The following DNAH3 variants were observed in gnomAD, a reference collection of about 807,000 sequenced individuals.
The protein encoded by DNAH3 is axonemal beta dynein heavy chain 3.
A neutral mutation model predicts 432.5 loss-of-function variants in DNAH3; 332 were observed. The ratio of observed to expected loss-of-function variants is 0.77; its 90% CI spans 0.70 to 0.84. DNAH3 has a LOEUF of 0.84. Among genes scored for constraint, DNAH3 ranks in the 40% least tolerant of loss-of-function variants. The pLI is 0.00. For missense variants in DNAH3, 4,861 were observed against 5,114.0 expected (o/e 0.95, Z 1.51); for synonymous variants, 1,956 against 1,900.2 (o/e 1.03, Z -0.76).
At position 21,031,241 on chromosome 16, in the gene DNAH3, G is replaced by A. The variant is rs200541438; in HGVS notation, c.5243C>T (p.Pro1748Leu). Reference sequence around the variant, plus strand: ...CAGCTGCCCCATCGTGATAGCCTTGGGGTTGATGATCTTGTACTCCACAGC... The same window carrying A: ...CAGCTGCCCCATCGTGATAGCCTTGAGGTTGATGATCTTGTACTCCACAGC... The change falls in exon 37 of 62, where the codon CCC becomes CTC. Residue 1748 changes from proline (P) to leucine (L), a missense_variant. Coordinates refer to ENST00000261383, the Ensembl canonical transcript of DNAH3. The A allele has an allele frequency of 5.6e-6, 9 of 1,614,092 alleles. No individual in the cohort carries two copies. The highest frequency in any genetic ancestry group is 1.6e-4 in the Middle Eastern group (1 of 6,062).
exon 48 of DNAH3, chr16:20,985,432 C>T (rs1220031534): frequency 3.1e-6 from 5 of 1,614,066 alleles, no homozygotes; most frequent in African/African-American, 1.3e-5. Context: ...CCGCCCGCTG[C>T]CCCCTATGCC....
chr16:21,126,979 G>A (rs905781728), intron 8 of DNAH3, among the ~76,000 whole-genome samples: 26 of 151,954 alleles, frequency 1.7e-4, no homozygotes, highest in African/African-American at 5.8e-4. Flanking sequence ...GTGAGTTGTA[G>A]AATTATTTCA....
At chr16:20,938,092 T>C (rs1005813013) in intron 59 of DNAH3, among the ~76,000 whole-genome samples, 2 of 152,126 alleles carry the variant, frequency 1.3e-5, no homozygotes, top group African/African-American at 4.8e-5. Flanking sequence ...CACTAAACCA[T>C]TGTATCAAGA....
intron 1 of DNAH3, among the ~76,000 whole-genome samples, chr16:21,152,677 G>A (rs1214475843): frequency 6.6e-6 from 1 of 152,250 alleles, no homozygotes; most frequent in Non-Finnish European, 1.5e-5. Flanking sequence ...GGCTTGGCGG[G>A]CCCCGCACTG....
intron 15 of DNAH3, among the ~76,000 whole-genome samples, chr16:21,106,227 T>A (rs1374752362): frequency 6.6e-6 from 1 of 150,984 alleles, no homozygotes; most frequent in African/African-American, 2.4e-5. Flanking sequence ...TCTATCTATG[T>A]CTCCTTTGTG....
In DNAH3 at chr16:20,967,492, CTTTTTTTT is replaced by C. The variant is rs756357963; in HGVS notation, c.8459-2075_8459-2068del. Among the ~76,000 whole-genome samples the C allele has an allele frequency of 1.5e-4, 8 of 52,806 alleles. No homozygotes were observed. In the South Asian group the frequency reaches 6.1e-3, roughly 40 times the overall value. The allele number at this position is 52,806 out of a possible 152,430, so 34.6% of individuals were successfully genotyped here. A position where few individuals can be genotyped will look rare whatever the true frequency, so the allele number is the denominator to read the frequency against. ...TCTAGGAGTGGGGCACAGACTTCTG[CTTTTTTTT>C]TTTTTTTTTTTTTTTTTTTGAGACG... On this transcript the variant is annotated intron_variant, in intron 52 of 61. Transcript: ENST00000261383.
intron 1 of DNAH3, among the ~76,000 whole-genome samples, chr16:21,157,840 T>C (rs1285649688): frequency 2.6e-5 from 4 of 151,292 alleles, no homozygotes; most frequent in African/African-American, 9.7e-5. Flanking sequence ...TCATGCTCTA[T>C]AGCAGTGGTT....
chr16:20,951,698 G>C (rs1230876122), intron 56 of DNAH3, among the ~76,000 whole-genome samples: 3 of 146,932 alleles, frequency 2.0e-5, no homozygotes, highest in Non-Finnish European at 4.5e-5. Context: ...GTCTCCCAAA[G>C]TGCTGGGATT....
At chr16:21,011,234 T>G (rs962845272) in intron 41 of DNAH3, among the ~76,000 whole-genome samples, 1 of 152,118 alleles carries the variant, frequency 6.6e-6, no homozygotes, top group African/African-American at 2.4e-5. Context: ...ATAAACAGAT[T>G]GATTTTGAAG....
chr16:21,127,563 A>T, intron 8 of DNAH3, 124 bp downstream of exon 9: 1 of 1,220,362 alleles, frequency 8.2e-7, no homozygotes, highest in Non-Finnish European at 1.1e-6. Context: ...TCTGTCTCAA[A>T]AAAAAAAAAG....
intron 41 of DNAH3, among the ~76,000 whole-genome samples, chr16:21,013,103 C>T (rs1456603561): frequency 6.6e-6 from 1 of 151,894 alleles, no homozygotes; most frequent in Admixed American, 6.6e-5. Context: ...AAGCATTCAT[C>T]TTAGGAAACT....
exon 53 of DNAH3, chr16:20,964,830 G>A: frequency 6.2e-7 from 1 of 1,614,046 alleles, no homozygotes; most frequent in Non-Finnish European, 8.5e-7. Context: ...TTTGGCACTG[G>A]ACCCGATAAT....
intron 52 of DNAH3, among the ~76,000 whole-genome samples, chr16:20,969,086 C>G (rs77008111): frequency 0.031 from 4,581 of 146,396 alleles, 89 homozygotes; most frequent in Non-Finnish European, 0.049. Context: ...TTTTCTTTCT[C>G]TGTGTGTGTG....
At chr16:21,070,270 A>G (rs1300024979) in intron 22 of DNAH3, among the ~76,000 whole-genome samples, 1 of 152,122 alleles carries the variant, frequency 6.6e-6, no homozygotes, top group Non-Finnish European at 1.5e-5. Context: ...GCCTTGTGTC[A>G]TTAATTAATT....
chr16:21,115,714 A>T (rs1438439473), intron 12 of DNAH3, among the ~76,000 whole-genome samples: 2 of 140,918 alleles, frequency 1.4e-5, no homozygotes, highest in Non-Finnish European at 3.1e-5. Context: ...CTCAAAAAAT[A>T]ATAAAATAAA....
chr16:20,958,519 T>TAATACCTCTCTTTGCTTTTCC (rs1376959401), intron 54 of DNAH3, among the ~76,000 whole-genome samples: 2 of 152,132 alleles, frequency 1.3e-5, no homozygotes, highest in Non-Finnish European at 2.9e-5. Context: ...AGGATTTCCT[T>TAATACCTCTCTTTGCTTTTCC]AATACCTCTC....
intron 41 of DNAH3, among the ~76,000 whole-genome samples, chr16:21,008,827 T>C (rs1222345771): frequency 6.6e-6 from 1 of 152,244 alleles, no homozygotes; most frequent in Non-Finnish European, 1.5e-5. Flanking sequence ...TTTTCTCTCC[T>C]TATTCACTAC....
chr16:21,036,637 T>C lies in DNAH3; in HGVS notation c.5085+77A>G. On this transcript the variant is annotated intron_variant, in intron 35 of 61. Transcript: ENST00000261383. ...CTGATTGCTGTCACTTCAGTTCCAA[T>C]CTCCTATAAGACTTTACTGTTTGCT... 2.2e-6 allele frequency: 3 copies of C among 1,352,974 alleles called. No homozygotes were observed. The South Asian group carries it at 4.0e-5, about 18-fold the overall frequency. 83.8% of individuals were successfully genotyped at this position (1,352,974 alleles called of 1,614,324 possible).
At chr16:21,138,821 A>AC (rs2092679627) in intron 5 of DNAH3, among the ~76,000 whole-genome samples, 1 of 151,458 alleles carries the variant, frequency 6.6e-6, no homozygotes, top group Admixed American at 6.6e-5. Context: ...TAAAAAAAAA[A>AC]AACAACACAG....
Sources: allele counts gnomAD v4.1 joint callset (sites outside exome capture counted in the v4.1 genomes callset), GRCh38; gene constraint gnomAD v4.1.1; transcripts MANE v1.5; gene names NCBI Gene and HGNC (gene_info 2026-07-23, HGNC 2026-07-21).